The following ATXN7L1 variants were observed in gnomAD, a reference collection of about 807,000 sequenced individuals.
The protein encoded by ATXN7L1 is ataxin-7-like protein 1.
In ATXN7L1, 15 loss-of-function variants were observed where a neutral mutation model predicts 70.8. The observed-to-expected ratio is 0.21, with a 90% confidence interval of 0.14 to 0.33. The LOEUF is 0.33. Among genes scored for constraint, ATXN7L1 ranks in the 10% least tolerant of loss-of-function variants. The probability of loss-of-function intolerance (pLI) is 1.00; values close to 1 mark genes in which losing one functional copy is unlikely to be tolerated. For missense variants in ATXN7L1, 975 were observed against 1,097.1 expected, an observed-to-expected ratio of 0.89 and a Z score of 1.57; for synonymous variants, 440 against 445.1, an observed-to-expected ratio of 0.99 and a Z score of 0.14.
chr7:105,667,028 C>T (rs778419334), intron 3 of ATXN7L1, among the ~76,000 whole-genome samples: 49 of 152,242 alleles, frequency 3.2e-4, no homozygotes, highest in Non-Finnish European at 5.4e-4. Flanking sequence ...ACACCTGTTC[C>T]TTCCCTTCTC....
chr7:105,769,887 G>A (rs1248909247), intron 3 of ATXN7L1, among the ~76,000 whole-genome samples: 2 of 152,138 alleles, frequency 1.3e-5, no homozygotes, highest in Non-Finnish European at 2.9e-5. Context: ...GCATCAGATT[G>A]TCACCTCTAA....
intron 2 of ATXN7L1, among the ~76,000 whole-genome samples, chr7:105,809,778 T>C (rs988203324): frequency 6.6e-5 from 10 of 152,032 alleles, no homozygotes; most frequent in East Asian, 5.8e-4. Context: ...GACTCCTTTT[T>C]TTTTTTTTCC....
intron 4 of ATXN7L1, among the ~76,000 whole-genome samples, chr7:105,657,532 T>C (rs1160732199): frequency 6.6e-6 from 1 of 151,240 alleles, no homozygotes; most frequent in Non-Finnish European, 1.5e-5. Flanking sequence ...ACTCTAACTC[T>C]ACAAAAACAC....
chr7:105,763,749 G>A (rs1245124506), intron 3 of ATXN7L1, among the ~76,000 whole-genome samples: 2 of 152,144 alleles, frequency 1.3e-5, no homozygotes, highest in East Asian at 3.8e-4. Context: ...ACCCCAACCA[G>A]CTGTGTCCTG....
intron 2 of ATXN7L1, among the ~76,000 whole-genome samples, chr7:105,794,863 C>T (rs568479913): frequency 2.0e-5 from 3 of 152,322 alleles, no homozygotes; most frequent in African/African-American, 7.2e-5. Context: ...ACAGATCAGG[C>T]TTGTAGCATT....
intron 3 of ATXN7L1, among the ~76,000 whole-genome samples, chr7:105,742,030 A>C (rs1798072408): frequency 6.6e-6 from 1 of 152,208 alleles, no homozygotes; most frequent in Admixed American, 6.5e-5. Context: ...CTGTCACTTA[A>C]GATATCCAGA....
intron 8 of ATXN7L1, among the ~76,000 whole-genome samples, chr7:105,623,309 G>A (rs1795205620): frequency 6.6e-6 from 1 of 152,142 alleles, no homozygotes; most frequent in Non-Finnish European, 1.5e-5. Context: ...CCACCATGGG[G>A]TCCCATGTTC....
intron 3 of ATXN7L1, among the ~76,000 whole-genome samples, chr7:105,772,427 A>G (rs1022587137): frequency 6.6e-6 from 1 of 152,230 alleles, no homozygotes; most frequent in African/African-American, 2.4e-5. Flanking sequence ...AGAGACACCT[A>G]AAACAAAATG....
chr7:105,639,423 A>G, intron 6 of ATXN7L1, 64 bp downstream of exon 6: 4 of 1,291,564 alleles, frequency 3.1e-6, no homozygotes, highest in Non-Finnish European at 4.4e-6. Context: ...AGAGAGTGGC[A>G]TGCAAACATT....
intron 2 of ATXN7L1, among the ~76,000 whole-genome samples, chr7:105,805,301 T>G (rs1807406667): frequency 6.6e-6 from 1 of 152,144 alleles, no homozygotes; most frequent in Non-Finnish European, 1.5e-5. Context: ...CCAGGGCCCT[T>G]AGTGCTGTGG....
Position 105,662,106 on chromosome 7 carries a change from C to CT in ATXN7L1, c.578+2959dup, listed in dbSNP as rs768527097. 8.3e-3 allele frequency among the ~76,000 whole-genome samples: 623 copies of CT among 74,676 alleles called. 19 individuals carry two copies. Among genetic ancestry groups the CT allele is most frequent in the Admixed American group, 0.069 (510 of 7,438 alleles). The allele number at this position is 74,676 out of a possible 152,430, so 49.0% of individuals were successfully genotyped here. ...TCTTTCTTTTCTTTTCTTTTCTTTT[C>CT]TTTTTTTTTTTTTTAAGCCAGAGTC... is the stretch of plus-strand genomic sequence containing the variant. On this transcript the variant is annotated intron_variant, in intron 4 of 11. Transcript: ENST00000419735.
intron 2 of ATXN7L1, among the ~76,000 whole-genome samples, chr7:105,796,371 A>T (rs12667215): frequency 0.045 from 6,835 of 152,082 alleles, 344 homozygotes; most frequent in East Asian, 0.23. Context: ...AAAAATAAAT[A>T]AATAAATTAA....
At chr7:105,760,096 G>T in intron 3 of ATXN7L1, 1 of 737,126 alleles carries the variant, frequency 1.4e-6, no homozygotes, top group Non-Finnish European at 1.7e-6. Flanking sequence ...TCCTTTTTCT[G>T]GCTTCCATCA....
intron 2 of ATXN7L1, among the ~76,000 whole-genome samples, chr7:105,872,513 T>C (rs1010300408): frequency 1.3e-5 from 2 of 152,176 alleles, no homozygotes; most frequent in Non-Finnish European, 2.9e-5. Context: ...TACTGATCCA[T>C]GCTACAACAT....
rs1223287196 is a variant in ATXN7L1 at position 105,614,329 on chromosome 7, G to C, written c.2005C>G (p.Pro669Ala). 8 of 1,552,260 alleles carry C rather than the reference G, an allele frequency of 5.2e-6. No homozygotes were observed. The highest frequency in any genetic ancestry group is 3.5e-6 in the Non-Finnish European group (4 of 1,147,154). ...TTCTTTTTGTGAGGCCCTGACAGTG[G>C]AGACGAGAGGGATGTCTGCAAGGAA... ...SSSLQTSLSS[P>A]LSGPHKKNCV... The change falls in exon 10 of 12, where the codon CCA becomes GCA. Residue 669 changes from proline to alanine, a missense_variant. Physicochemically the swap from Pro to Ala is conservative, Grantham distance 27. Coordinates refer to ENST00000419735, the MANE Select transcript of ATXN7L1 (RefSeq NM_020725.2). This position sits in a 1 kb window ranked among gnomAD's most constrained non-coding sequence, Gnocchi z 4.3.
At chr7:105,757,780 G>C (rs952858817) in intron 3 of ATXN7L1, among the ~76,000 whole-genome samples, 3 of 149,966 alleles carry the variant, frequency 2.0e-5, no homozygotes, top group South Asian at 2.1e-4. Flanking sequence ...TGTAGCAATA[G>C]GGTCTCATTA....
At chr7:105,721,021 A>C (rs191688665) in intron 3 of ATXN7L1, among the ~76,000 whole-genome samples, 23 of 152,194 alleles carry the variant, frequency 1.5e-4, no homozygotes, top group Admixed American at 1.4e-3. Context: ...CTAACCCCAC[A>C]CAAATTCTAG....
At chr7:105,870,007 T>C (rs995535202) in intron 2 of ATXN7L1, among the ~76,000 whole-genome samples, 1 of 152,096 alleles carries the variant, frequency 6.6e-6, no homozygotes, top group Non-Finnish European at 1.5e-5. Flanking sequence ...TCTGGCCGGG[T>C]GCGGTGGCTC....
chr7:105,776,493 A>ACCC (rs33932326), intron 3 of ATXN7L1, among the ~76,000 whole-genome samples: 36 of 143,928 alleles, frequency 2.5e-4, no homozygotes, highest in South Asian at 9.3e-4. Context: ...CAAACAAACA[A>ACCC]CCCCCCCCCC....
Sources: allele counts gnomAD v4.1 joint callset (sites outside exome capture counted in the v4.1 genomes callset), GRCh38; gene constraint gnomAD v4.1.1; non-coding constraint Gnocchi (gnomAD v3.1); transcripts MANE v1.5; gene names NCBI Gene and HGNC (gene_info 2026-07-23, HGNC 2026-07-21).